Variants in NRXN2 observed in about 807,000 individuals in gnomAD.
NRXN2 encodes neurexin-2-beta.
Under a neutral mutation model 128.8 loss-of-function variants are expected in NRXN2, and 29 were observed. That is an observed-to-expected ratio of 0.23 (90% CI 0.17 to 0.31). NRXN2 has a LOEUF of 0.31. Ranked by LOEUF, NRXN2 falls within the 10% of genes least tolerant of loss-of-function variation. The pLI is 1.00. For synonymous variants in NRXN2, 1,098 were observed against 1,075.2 expected (o/e 1.02, Z -0.41); for missense variants, 1,881 against 2,452.6 (o/e 0.77, Z 4.92).
In NRXN2 at chr11:64,667,108, C is replaced by T. The variant is rs984349562; in HGVS notation, c.1798+142G>A. Reference sequence around the variant, plus strand: ...ATGACAGAAAGGACAATTGGGAAGACGTGAGGGGGGTGGAGGAGAAGCGGC... The same window carrying T: ...ATGACAGAAAGGACAATTGGGAAGATGTGAGGGGGGTGGAGGAGAAGCGGC... On this transcript the variant is annotated intron_variant, in intron 9 of 22. Transcript: ENST00000265459. This position sits in a 1 kb window ranked among gnomAD's most constrained non-coding sequence, Gnocchi z 5.6. 2.0e-5 allele frequency: 17 copies of T among 851,020 alleles called. No homozygotes were observed. Among genetic ancestry groups the T allele is most frequent in the Non-Finnish European group, 2.7e-5 (14 of 524,362 alleles). 52.7% of individuals were successfully genotyped at this position (851,020 alleles called of 1,614,324 possible).
intron 2 of NRXN2, among the ~76,000 whole-genome samples, chr11:64,707,264 G>A (rs550839356): frequency 6.6e-6 from 1 of 151,892 alleles, no homozygotes; most frequent in South Asian, 2.1e-4. Context: ...GCGGGCGCCT[G>A]TAGTCCCAGC....
At chr11:64,637,393 C>T (rs1413910093) in intron 17 of NRXN2, 1 of 152,324 alleles carries the variant, frequency 6.6e-6, no homozygotes, top group Non-Finnish European at 1.5e-5. Context: ...CACCCCCACC[C>T]CATGTGGTCA....
intron 11 of NRXN2, among the ~76,000 whole-genome samples, chr11:64,657,164 TGG>T (rs1476538813): frequency 6.6e-6 from 1 of 152,214 alleles, no homozygotes; most frequent in Non-Finnish European, 1.5e-5. Context: ...AGCCCAGGCC[TGG>T]GGCCTTGGTG....
Position 64,679,514 on chromosome 11 carries a change from G to A in NRXN2, c.1153-2477C>T, listed in dbSNP as rs560256195. Among the ~76,000 whole-genome samples, 30 of 152,210 alleles carry A rather than the reference G, an allele frequency of 2.0e-4. No individual in the cohort carries two copies. In the South Asian group the frequency reaches 5.4e-3, roughly 27 times the overall value. On this transcript the variant is annotated intron_variant, in intron 6 of 22. Transcript: ENST00000265459. Reference sequence around the variant, plus strand: ...TAGCCAGGCGTGGTGGCGGGCGCCCGTAGTCCCAGCTACTTGGGAGGCTGA... The same window carrying A: ...TAGCCAGGCGTGGTGGCGGGCGCCCATAGTCCCAGCTACTTGGGAGGCTGA...
At chr11:64,634,474 G>A (rs1054237695) in intron 18 of NRXN2, among the ~76,000 whole-genome samples, 10 of 152,148 alleles carry the variant, frequency 6.6e-5, no homozygotes, top group African/African-American at 2.2e-4. Flanking sequence ...GAGTTCAACA[G>A]GACTCAAAAC....
In NRXN2 at chr11:64,677,179, T is replaced by C. The variant is rs71579856; in HGVS notation, c.1153-142A>G. ...TCAAGGAACGAGGAAAAAATATATATCCATATATATTTGGTTGTTTGTTCC... is the reference window on the plus strand; with the variant it reads ...TCAAGGAACGAGGAAAAAATATATACCCATATATATTTGGTTGTTTGTTCC... On this transcript the variant is annotated intron_variant, in intron 6 of 22. Coordinates refer to ENST00000265459, the MANE Select transcript of NRXN2 (RefSeq NM_015080.4). 8.7e-3 allele frequency: 5,225 copies of C among 601,848 alleles called. 181 individuals are homozygous for C. Among genetic ancestry groups the C allele is most frequent in the African/African-American group, 0.079 (4,281 of 53,988 alleles). 37.3% of individuals were successfully genotyped at this position (601,848 alleles called of 1,614,324 possible). A position where few individuals can be genotyped will look rare whatever the true frequency, so the allele number is the denominator to read the frequency against.
At chr11:64,609,948 T>C (rs1042812097) in intron 22 of NRXN2, among the ~76,000 whole-genome samples, 25 of 152,082 alleles carry the variant, frequency 1.6e-4, no homozygotes, top group Non-Finnish European at 1.5e-5. Flanking sequence ...GCAGCCCCAC[T>C]GCAGCCAGGC....
intron 17 of NRXN2, chr11:64,642,630 G>A: frequency 1.9e-6 from 3 of 1,608,718 alleles, no homozygotes; most frequent in Non-Finnish European, 2.5e-6. Context: ...GGTGGGTGGT[G>A]CTGAGGCTGG....
intron 2 of NRXN2, among the ~76,000 whole-genome samples, chr11:64,698,251 C>T (rs907134461): frequency 6.6e-6 from 1 of 152,210 alleles, no homozygotes; most frequent in African/African-American, 2.4e-5. Flanking sequence ...GAGACACACT[C>T]ATGCTCAGTG....
intron 7 of NRXN2, among the ~76,000 whole-genome samples, chr11:64,673,190 T>C (rs1353299693): frequency 6.6e-6 from 1 of 152,162 alleles, no homozygotes; most frequent in African/African-American, 2.4e-5. Context: ...GGCATTCAAG[T>C]TTAAATGATA....
chr11:64,700,955 A>G (rs968533210), intron 2 of NRXN2, among the ~76,000 whole-genome samples: 3 of 152,148 alleles, frequency 2.0e-5, no homozygotes, highest in Admixed American at 1.3e-4. Context: ...TTGTCAGGCC[A>G]ATCACCGGGT....
chr11:64,665,144 GGT>G (rs927718176), intron 9 of NRXN2, among the ~76,000 whole-genome samples: 25 of 151,440 alleles, frequency 1.7e-4, no homozygotes, highest in Admixed American at 3.9e-4. Flanking sequence ...AGCTGGGCGT[GGT>G]GGCACTCGCC....
chr11:64,626,319 G>A (rs1194423280), intron 20 of NRXN2, 144 bp downstream of exon 20: 6 of 674,310 alleles, frequency 8.9e-6, no homozygotes, highest in African/African-American at 1.8e-5. Flanking sequence ...CTCCAAAGGG[G>A]AAGGGAGCAT....
intron 2 of NRXN2, 102 bp downstream of exon 2, chr11:64,712,868 G>C: frequency 9.4e-7 from 1 of 1,058,986 alleles, no homozygotes; most frequent in South Asian, 1.4e-5. Flanking sequence ...CTCGTGCCCA[G>C]CCCCCGTGCC....
chr11:64,630,389 C>T lies in NRXN2; in HGVS notation c.3757+13G>A, dbSNP rs71579864. The T allele has an allele frequency of 2.0e-4, 317 of 1,606,384 alleles. 1 individual carries two copies. The highest frequency in any genetic ancestry group is 1.9e-3 in the Middle Eastern group (10 of 5,150). ...CCGCCACCGCGCCTCCTCCGCGGGC[C>T]CGCGCCGCCTACCTGCCGGGTACCG... is the stretch of plus-strand genomic sequence containing the variant. On this transcript the variant is annotated intron_variant, in intron 19 of 22. Transcript: ENST00000265459. This position sits in a 1 kb window ranked among gnomAD's most constrained non-coding sequence, Gnocchi z 4.6.
intron 17 of NRXN2, among the ~76,000 whole-genome samples, chr11:64,640,009 CTCCTT>C (rs1555034297): frequency 6.6e-6 from 1 of 152,094 alleles, no homozygotes; most frequent in Non-Finnish European, 1.5e-5. Flanking sequence ...ATCCCTTCTC[CTCCTT>C]TCCTTGGGCC....
intron 17 of NRXN2, chr11:64,646,586 A>G (rs1423672009): frequency 7.2e-6 from 1 of 139,654 alleles, no homozygotes; most frequent in Non-Finnish European, 1.5e-5. Flanking sequence ...GGGGTGAGTA[A>G]CTGCCTCTTA....
At chr11:64,653,852 A>G (rs532535052) in intron 11 of NRXN2, 130 bp from the exon 12 acceptor site, 2 of 672,442 alleles carry the variant, frequency 3.0e-6, no homozygotes, top group East Asian at 5.5e-5. Flanking sequence ...CTTTCCGGGG[A>G]CCACGCGTGC....
In NRXN2 at chr11:64,712,632, C is replaced by T. The variant is rs1054965557; in HGVS notation, c.730+338G>A. The T allele has an allele frequency of 2.2e-5, 11 of 490,616 alleles. No homozygotes were observed. The Admixed American group carries it at 2.7e-4, about 12-fold the overall frequency. The allele number at this position is 490,616 out of a possible 1,614,324, so 30.4% of individuals were successfully genotyped here. ...ACCCCCACCCACAAGCCTTCACGAA[C>T]GCCTCACAGACCCTCACCCACCAAG... On this transcript the variant is annotated intron_variant, in intron 2 of 22. Coordinates refer to ENST00000265459, the MANE Select transcript of NRXN2 (RefSeq NM_015080.4).
Sources: allele counts gnomAD v4.1 joint callset (sites outside exome capture counted in the v4.1 genomes callset), GRCh38; gene constraint gnomAD v4.1.1; non-coding constraint Gnocchi (gnomAD v3.1); transcripts MANE v1.5; gene names NCBI Gene and HGNC (gene_info 2026-07-23, HGNC 2026-07-21).